Variants in DCUN1D2 observed in about 807,000 individuals in gnomAD.
DCUN1D2 encodes the protein defective in cullin neddylation 1 domain containing 2.
In DCUN1D2, 29 loss-of-function variants were observed where a neutral mutation model predicts 30.9. The ratio of observed to expected loss-of-function variants is 0.94; its 90% confidence interval spans 0.70 to 1.28. DCUN1D2 has a LOEUF of 1.28. DCUN1D2 is among the 50% of genes most tolerant of loss of function. The pLI, the probability that DCUN1D2 is intolerant of heterozygous loss-of-function variation, is 0.00. For missense variants in DCUN1D2, 325 were observed against 316.9 expected, an observed-to-expected ratio of 1.03 and a Z score of -0.19; for synonymous variants, 121 against 115.3, an observed-to-expected ratio of 1.05 and a Z score of -0.32.
At chr13:113,489,425 G>A (rs2044878243) in intron 1 of DCUN1D2, among the ~76,000 whole-genome samples, 1 of 152,224 alleles carries the variant, frequency 6.6e-6, no homozygotes. Flanking sequence ...CTCGGCTGCT[G>A]CGGTCAGTGG....
At chr13:113,465,670 T>C (rs1480070379) in intron 4 of DCUN1D2, among the ~76,000 whole-genome samples, 1 of 84,138 alleles carries the variant, frequency 1.2e-5, no homozygotes, top group Non-Finnish European at 2.2e-5. Flanking sequence ...GTCTATTTGC[T>C]TTTTTTTTTT....
chr13:113,474,069 C>G, intron 4 of DCUN1D2, 55 bp downstream of exon 4: 1 of 1,580,250 alleles, frequency 6.3e-7, no homozygotes, highest in Non-Finnish European at 8.6e-7. Flanking sequence ...TTGCTCACGT[C>G]CACTGAAAAC....
intron 4 of DCUN1D2, among the ~76,000 whole-genome samples, chr13:113,461,752 C>T (rs1487144562): frequency 2.6e-5 from 4 of 152,186 alleles, no homozygotes; most frequent in African/African-American, 4.8e-5. Flanking sequence ...TTTTCCCACA[C>T]GGGAAGGTGG....
chr13:113,476,638 G>A (rs965001241), intron 3 of DCUN1D2, among the ~76,000 whole-genome samples: 2 of 152,110 alleles, frequency 1.3e-5, no homozygotes, highest in Admixed American at 6.5e-5. Context: ...TTAACCAGAA[G>A]TTCTTATTTT....
At position 113,459,312 on chromosome 13, in the gene DCUN1D2, C is replaced by CT; in HGVS notation, c.699dup (p.Gly234ArgfsTer9). On this transcript the variant is annotated frameshift_variant and splice_region_variant, in exon 6 of 7. Coordinates refer to ENST00000478244, the MANE Select transcript of DCUN1D2 (RefSeq NM_001014283.2). LOFTEE classifies it low-confidence loss of function (END_TRUNC). Reference sequence around the variant, plus strand: ...TCATCTGAAGCACAACTTCCGGTACCTTCTTCATCGTAGTTAGACATATCA... The same window carrying CT: ...TCATCTGAAGCACAACTTCCGGTACCTTTCTTCATCGTAGTTAGACATATCA... The CT allele has an allele frequency of 6.5e-7, 1 of 1,548,590 alleles. No individual in the cohort carries two copies. Among genetic ancestry groups the CT allele is most frequent in the South Asian group, 1.1e-5 (1 of 89,642 alleles).
intron 4 of DCUN1D2, among the ~76,000 whole-genome samples, chr13:113,466,867 C>T (rs934782517): frequency 1.4e-5 from 2 of 144,770 alleles, no homozygotes; most frequent in Admixed American, 7.3e-5. Context: ...AGTGCAGTGG[C>T]ACGATCTCGG....
At chr13:113,481,974 G>A (rs1198548261) in intron 2 of DCUN1D2, among the ~76,000 whole-genome samples, 1 of 152,024 alleles carries the variant, frequency 6.6e-6, no homozygotes, top group Non-Finnish European at 1.5e-5. Context: ...TAGTTTATGG[G>A]ACAGAGGTTC....
intron 2 of DCUN1D2, among the ~76,000 whole-genome samples, chr13:113,481,410 A>G (rs953335586): frequency 9.2e-5 from 14 of 152,270 alleles, no homozygotes; most frequent in Admixed American, 6.5e-4. Context: ...GTAATTTCAG[A>G]CAGATTATAT....
At chr13:113,459,260 G>A (rs371963554) in intron 6 of DCUN1D2, 52 bp downstream of exon 6, 46 of 994,272 alleles carry the variant, frequency 4.6e-5, no homozygotes, top group Middle Eastern at 2.1e-4. Flanking sequence ...AGAAGTTAAC[G>A]TTCTCAGGTG....
chr13:113,458,258 A>G, intron 6 of DCUN1D2, 150 bp from the exon 7 acceptor site: 4 of 725,710 alleles, frequency 5.5e-6, no homozygotes, highest in South Asian at 1.6e-5. Context: ...AACCAGCCCA[A>G]GTTACCCAGT....
At chr13:113,483,787 A>G in intron 2 of DCUN1D2, 53 bp downstream of exon 2, 3 of 1,566,872 alleles carry the variant, frequency 1.9e-6, no homozygotes, top group Non-Finnish European at 2.6e-6. Context: ...TGCAGCGCGC[A>G]GGCCGCTCGC....
chr13:113,490,876 G>C, upstream of DCUN1D2: 1 of 296,360 alleles, frequency 3.4e-6, no homozygotes, highest in Non-Finnish European at 5.7e-6. The surrounding 1 kb of genome is among the most constrained non-coding windows in gnomAD (Gnocchi z 5.2). Flanking sequence ...CCAGCCCTCT[G>C]CGAGGGCCTT....
Position 113,474,272 on chromosome 13 carries a change from G to C in DCUN1D2, c.390-18C>G, listed in dbSNP as rs771389495. On this transcript the variant is annotated intron_variant, in intron 3 of 6. Transcript: ENST00000478244. ...TGTCACACCTGCGATGACAGAGAGTGGTTTGTCTTGCAGCAGATGCGCCTC... is the reference window on the plus strand; with the variant it reads ...TGTCACACCTGCGATGACAGAGAGTCGTTTGTCTTGCAGCAGATGCGCCTC... 3 of 1,612,180 alleles carry C rather than the reference G, an allele frequency of 1.9e-6. No homozygotes were observed. The highest frequency in any genetic ancestry group is 1.1e-5 in the South Asian group (1 of 91,002).
Position 113,485,966 on chromosome 13 carries a change from G to A in DCUN1D2, c.4-1910C>T, listed in dbSNP as rs546066584. The stretch of plus-strand genomic sequence containing the variant: ...TATCTTTTATCAAGCCAGACATTAA[G>A]ATATTTGCAAAAATGTAATGGGTTT... On this transcript the variant is annotated intron_variant, in intron 1 of 6. Transcript: ENST00000478244. Among the ~76,000 whole-genome samples the A allele has an allele frequency of 2.0e-5, 3 of 152,192 alleles. No homozygotes were observed. The South Asian group carries it at 6.2e-4, about 32-fold the overall frequency.
intron 1 of DCUN1D2, among the ~76,000 whole-genome samples, chr13:113,487,017 A>C (rs894116512): frequency 6.6e-6 from 1 of 152,274 alleles, no homozygotes; most frequent in African/African-American, 2.4e-5. Context: ...ATACATATTC[A>C]CTACATTATT....
At chr13:113,489,152 CTCTGTTTCGGTAT>C in intron 1 of DCUN1D2, 1 of 985,398 alleles carries the variant, frequency 1.0e-6, no homozygotes, top group South Asian at 4.7e-5. Context: ...ATCACTTTCA[CTCTGTTTCGGTAT>C]ACAGCACGCT....
In DCUN1D2 at chr13:113,474,238, T is replaced by G; in HGVS notation, c.406A>C (p.Lys136Gln). 1 of 1,613,976 alleles carries G rather than the reference T, an allele frequency of 6.2e-7. No homozygotes were observed. Among genetic ancestry groups the G allele is most frequent in the Non-Finnish European group, 8.5e-7 (1 of 1,179,890 alleles). ...MTELGCDSME[K>Q]LKALLPRLEQ... ...AGTCTTGGCAGAAGAGCCTTTAGCTTCTCCATGCTGTCACACCTGCGATGA... is the reference window on the plus strand; with the variant it reads ...AGTCTTGGCAGAAGAGCCTTTAGCTGCTCCATGCTGTCACACCTGCGATGA... The change falls in exon 4 of 7, where the codon AAG (lysine) becomes CAG (glutamine). Residue 136 changes from lysine (K) to glutamine (Q), a missense_variant. Transcript: ENST00000478244.
chr13:113,459,656 T>C (rs1168052450), intron 5 of DCUN1D2: 1 of 306,686 alleles, frequency 3.3e-6, no homozygotes, highest in Non-Finnish European at 6.1e-6. Flanking sequence ...TAAACTCCTG[T>C]TTTGTCACAT....
chr13:113,460,637 A>G (rs989103351), intron 5 of DCUN1D2, among the ~76,000 whole-genome samples: 1 of 152,252 alleles, frequency 6.6e-6, no homozygotes, highest in Non-Finnish European at 1.5e-5. Context: ...ACCGCCACAT[A>G]CAATCCGCAG....
Sources: gnomAD v4.1 joint callset for allele counts (sites outside exome capture counted in the v4.1 genomes callset) on GRCh38, gnomAD v4.1.1 for gene constraint, Gnocchi (gnomAD v3.1) non-coding constraint, MANE v1.5 for transcripts, NCBI Gene and HGNC (gene_info 2026-07-23, HGNC 2026-07-21) for gene names.